COL4A5: variants seen among roughly 807,000 people sequenced by gnomAD.
COL4A5 encodes the protein collagen type IV alpha 5 chain.
Under a neutral mutation model 130.2 loss-of-function variants are expected in COL4A5, and 26 were observed. The ratio of observed to expected loss-of-function variants is 0.20; its 90% CI spans 0.15 to 0.28. The LOEUF (loss-of-function observed/expected upper bound fraction) is 0.28, where lower values mean the gene tolerates loss of function less well. Among genes scored for constraint, COL4A5 ranks in the 10% least tolerant of loss-of-function variants. COL4A5 has a pLI of 1.00. For missense variants in COL4A5, 1,131 were observed against 1,344.3 expected (o/e 0.84, Z 2.48); for synonymous variants, 496 against 439.6 (o/e 1.13, Z -1.60).
At chrX:108,495,302 A>C (rs2065025158) in intron 1 of COL4A5, among the ~76,000 whole-genome samples, 1 of 111,605 alleles carries the variant, frequency 9.0e-6, no homozygotes, top group East Asian at 2.8e-4. Context: ...AGCTAGATGA[A>C]GAATTCTTAG....
chrX:108,545,463 G>T (rs750201303), intron 2 of COL4A5, among the ~76,000 whole-genome samples: 48 of 111,901 alleles, frequency 4.3e-4, no homozygotes, highest in South Asian at 2.3e-3. Flanking sequence ...TTGCACTGTG[G>T]TCTGAGAGAC....
intron 1 of COL4A5, among the ~76,000 whole-genome samples, chrX:108,507,079 G>T (rs1012414662): frequency 1.8e-5 from 2 of 109,189 alleles, no homozygotes; most frequent in Non-Finnish European, 3.8e-5. Context: ...AAAAGCCCAG[G>T]ACCAGGTGGA....
At chrX:108,525,706 TAG>T (rs1392827015) in intron 1 of COL4A5, among the ~76,000 whole-genome samples, 1 of 111,757 alleles carries the variant, frequency 8.9e-6, no homozygotes, top group African/African-American at 3.3e-5. Flanking sequence ...TATAACCTAT[TAG>T]AGTTTACTTA....
intron 1 of COL4A5, among the ~76,000 whole-genome samples, chrX:108,489,313 A>T (rs959165909): frequency 9.0e-6 from 1 of 111,609 alleles, no homozygotes; most frequent in African/African-American, 3.3e-5. Context: ...ACTGTAGATC[A>T]CCTCTATTAT....
chrX:108,680,967 T>G lies in COL4A5; in HGVS notation c.4087+11T>G. ...TTATTGGTCCTCCAGGTAAGACTTA[T>G]TCCTGAAGATAGTTATACCTGATAC... On this transcript the variant is annotated intron_variant, in intron 46 of 52. Transcript: ENST00000328300. The G allele has an allele frequency of 2.5e-6, 3 of 1,178,964 alleles. No homozygotes were observed. The highest frequency in any genetic ancestry group is 3.5e-6 in the Non-Finnish European group (3 of 865,815).
intron 49 of COL4A5, chrX:108,689,323 T>A (rs1452193809): frequency 1.3e-6 from 1 of 747,150 alleles, no homozygotes; most frequent in African/African-American, 2.3e-5. Flanking sequence ...GTCAGACTTA[T>A]AATCAAACTT....
In COL4A5 at chrX:108,626,329, C is replaced by T. The variant is rs757931039; in HGVS notation, c.3226C>T (p.Pro1076Ser). The part of the protein sequence containing the change: ...GDPGISSIGL[P>S]GLPGPKGEPG... ...TCCTGGTATTTCAAGCATTGGTCTT[C>T]CAGGTCTTCCTGGTCCAAAGGTAAT... Residue 1076 changes from proline (P) to serine (S), a missense_variant, in exon 36 of 53, where the codon CCA (proline) becomes TCA (serine). Pro to Ser is a moderately conservative substitution (Grantham distance 74). Coordinates refer to ENST00000328300, the MANE Select transcript of COL4A5 (RefSeq NM_033380.3). The T allele has an allele frequency of 6.6e-6, 8 of 1,209,216 alleles. No homozygotes were observed. The highest frequency in any genetic ancestry group is 6.6e-5 in the Admixed American group (3 of 45,654).
chrX:108,475,637 T>C lies in COL4A5; in HGVS notation c.81+35431T>C, dbSNP rs150528646. On this transcript the variant is annotated intron_variant, in intron 1 of 52. Coordinates refer to ENST00000328300, the MANE Select transcript of COL4A5 (RefSeq NM_033380.3). ...GGACAGTTGGCAATGTCTGGAGACA[T>C]TCTTTGTTGTCACAACTGGGGGCTG... Among the ~76,000 whole-genome samples, 112 of 111,001 alleles carry C rather than the reference T, an allele frequency of 1.0e-3. 4 individuals are homozygous for C. In the East Asian group the frequency reaches 0.031, roughly 31 times the overall value.
chrX:108,501,763 G>A (rs1014434183), intron 1 of COL4A5, among the ~76,000 whole-genome samples: 1 of 112,109 alleles, frequency 8.9e-6, no homozygotes, highest in Admixed American at 9.5e-5. Context: ...AACATTTCAT[G>A]TCTTAGTGCT....
chrX:108,577,255 C>A (rs1318583981), intron 10 of COL4A5, among the ~76,000 whole-genome samples: 1 of 106,854 alleles, frequency 9.4e-6, no homozygotes, highest in Non-Finnish European at 1.9e-5. Flanking sequence ...GCCTGTAATC[C>A]CAGCTACTCG....
At chrX:108,502,289 G>GTTTTA (rs2065086761) in intron 1 of COL4A5, among the ~76,000 whole-genome samples, 1 of 109,848 alleles carries the variant, frequency 9.1e-6, no homozygotes, top group African/African-American at 3.3e-5. Context: ...GTTTTGTTTT[G>GTTTTA]TTTTGTTTTT....
chrX:108,565,626 C>A lies in COL4A5; in HGVS notation c.276+1700C>A, dbSNP rs559056658. Among the ~76,000 whole-genome samples, 18 of 112,227 alleles carry A rather than the reference C, an allele frequency of 1.6e-4. No homozygotes were observed. In the South Asian group the frequency reaches 6.7e-3, roughly 42 times the overall value. ...TGGTTTATTCAATTTACAACCCAAG[C>A]AAGTTCCACGTATTGCTTTGGGTTG... On this transcript the variant is annotated intron_variant, in intron 4 of 52. Transcript: ENST00000328300.
chrX:108,603,782 C>T lies in COL4A5; in HGVS notation c.2244+721C>T, dbSNP rs755425094. On this transcript the variant is annotated intron_variant, in intron 28 of 52. Coordinates refer to ENST00000328300, the MANE Select transcript of COL4A5 (RefSeq NM_033380.3). Reference sequence around the variant, plus strand: ...ATTTTACCCACAGTAGAACCTCTTTCAAAATTGGAGTGAGTCTTCTCAGAC... The same window carrying T: ...ATTTTACCCACAGTAGAACCTCTTTTAAAATTGGAGTGAGTCTTCTCAGAC... 2.7e-5 allele frequency among the ~76,000 whole-genome samples: 3 copies of T among 112,100 alleles called. No individual in the cohort carries two copies. The South Asian group carries it at 1.1e-3, about 42-fold the overall frequency.
chrX:108,611,095 C>G (rs897156803), intron 29 of COL4A5, among the ~76,000 whole-genome samples: 2 of 110,984 alleles, frequency 1.8e-5, no homozygotes, highest in Non-Finnish European at 3.8e-5. Flanking sequence ...ACACAACACA[C>G]CAATGAATGG....
intron 26 of COL4A5, 42 bp downstream of exon 26, chrX:108,601,527 GC>G: frequency 1.2e-6 from 1 of 806,347 alleles, no homozygotes; most frequent in Non-Finnish European, 1.8e-6. Context: ...AACACCGATG[GC>G]TTTTTTTTTT....
chrX:108,626,397 AT>A (rs1162621570), intron 36 of COL4A5, 48 bp downstream of exon 36: 2 of 1,197,085 alleles, frequency 1.7e-6, no homozygotes, highest in Admixed American at 2.2e-5. Context: ...CAGATATGAA[AT>A]TTTTTAATAC....
chrX:108,514,367 T>A (rs2065203693), intron 1 of COL4A5, among the ~76,000 whole-genome samples: 1 of 112,218 alleles, frequency 8.9e-6, no homozygotes, highest in Non-Finnish European at 1.9e-5. Context: ...TAATAATTTG[T>A]ATAATTTGAA....
rs191137802 is a variant in COL4A5, at chrX:108,464,509, C to T, written c.81+24303C>T. Among the ~76,000 whole-genome samples, 676 of 111,532 alleles carry T rather than the reference C, an allele frequency of 6.1e-3. 2 individuals carry two copies. The highest frequency in any genetic ancestry group is 0.021 in the African/African-American group (641 of 30,739). On this transcript the variant is annotated intron_variant, in intron 1 of 52. Coordinates refer to ENST00000328300, the MANE Select transcript of COL4A5 (RefSeq NM_033380.3). The stretch of plus-strand genomic sequence containing the variant: ...CAAATTACCTTGCACATTTTTATTT[C>T]TTAGGAGGCTTCTTAAGATTTTAAA...
intron 1 of COL4A5, among the ~76,000 whole-genome samples, chrX:108,524,264 G>T (rs967338269): frequency 1.8e-5 from 2 of 111,860 alleles, no homozygotes; most frequent in African/African-American, 6.5e-5. Context: ...ATAGGGAAAT[G>T]ATTTAGTCTT....
Sources: allele counts gnomAD v4.1 joint callset (sites outside exome capture counted in the v4.1 genomes callset), GRCh38; gene constraint gnomAD v4.1.1; transcripts MANE v1.5; gene names NCBI Gene and HGNC (gene_info 2026-07-23, HGNC 2026-07-21).